The following MACROD1 variants were observed in gnomAD, a reference collection of about 807,000 sequenced individuals.
MACROD1 encodes mono-ADP ribosylhydrolase 1, also known as ADP-ribose glycohydrolase MACROD1.
Under a neutral mutation model 41.4 loss-of-function variants are expected in MACROD1, and 31 were observed. The observed-to-expected ratio is 0.75, with a 90% CI of 0.56 to 1.01. The LOEUF (loss-of-function observed/expected upper bound fraction) is 1.01, where lower values mean the gene tolerates loss of function less well. Among genes scored for constraint, MACROD1 ranks in the 50% least tolerant of loss-of-function variants. The probability of loss-of-function intolerance (pLI) is 0.00; values close to 1 mark genes in which losing one functional copy is unlikely to be tolerated. For synonymous variants in MACROD1, 252 were observed against 203.4 expected, an observed-to-expected ratio of 1.24 and a Z score of -2.03; for missense variants, 473 against 460.0, an observed-to-expected ratio of 1.03 and a Z score of -0.26.
At chr11:64,013,867 T>C (rs1001410127) in intron 4 of MACROD1, among the ~76,000 whole-genome samples, 1 of 152,150 alleles carries the variant, frequency 6.6e-6, no homozygotes, top group Admixed American at 6.5e-5. Context: ...CACTCTTCGC[T>C]GGGCTCATGC....
chr11:64,117,329 C>T (rs1053939645), intron 3 of MACROD1: 2 of 1,613,964 alleles, frequency 1.2e-6, no homozygotes, highest in African/African-American at 2.7e-5. Flanking sequence ...ACGTGCGGGG[C>T]CTCATGTGCC....
At chr11:64,129,547 C>A (rs1460376741) in intron 3 of MACROD1, among the ~76,000 whole-genome samples, 1 of 152,222 alleles carries the variant, frequency 6.6e-6, no homozygotes, top group Non-Finnish European at 1.5e-5. Context: ...TCCCGCATTC[C>A]TGGCCCCCAG....
chr11:63,999,895 G>T, intron 5 of MACROD1, 132 bp from the exon 6 acceptor site: 1 of 1,087,682 alleles, frequency 9.2e-7, no homozygotes, highest in Non-Finnish European at 1.3e-6. Flanking sequence ...CTCCGCGAAG[G>T]CCCCCACCCC....
intron 1 of MACROD1, among the ~76,000 whole-genome samples, chr11:64,165,195 C>T (rs1945819185): frequency 6.6e-6 from 1 of 152,208 alleles, no homozygotes; most frequent in Admixed American, 6.5e-5. Context: ...GGTTACGTGC[C>T]CCACCAGGTG....
At position 63,999,660 on chromosome 11, in the gene MACROD1, C is replaced by T. The variant is rs771288945; in HGVS notation, c.768G>A (p.Glu256=). Residue 256 remains glutamate (E), a synonymous_variant, in exon 6 of 11, where the codon GAG becomes GAA. Transcript: ENST00000255681. ...CYLSSLDLLL[E]HRLRSVAFPC... is the part of the protein sequence containing the mutation. ...CCCTCACCACCGAGCGGAGCCGGTG[C>T]TCCAGCAGCAGGTCCAGACTGCTCA... 1.3e-5 allele frequency: 21 copies of T among 1,609,406 alleles called. No homozygotes were observed. In the East Asian group the frequency reaches 4.7e-4, roughly 36 times the overall value.
chr11:63,998,955 C>A lies in MACROD1; in HGVS notation c.973G>T (p.Ala325Ser). ...RSRLPHYFPV[A>S] Reference sequence around the variant, plus strand: ...CCGTGGGGCGGCGCGGGGCACGTACCCACGGGGAAGTAGTGGGGGAGCCGG... The same window carrying A: ...CCGTGGGGCGGCGCGGGGCACGTACACACGGGGAAGTAGTGGGGGAGCCGG... Residue 325 changes from alanine (A) to serine (S), a missense_variant and splice_region_variant, in exon 9 of 11, where the codon GCC becomes TCC. Coordinates refer to ENST00000255681, the MANE Select transcript of MACROD1 (RefSeq NM_014067.4). 6.3e-7 allele frequency: 1 copy of A among 1,598,250 alleles called. No individual in the cohort carries two copies. The highest frequency in any genetic ancestry group is 2.3e-5 in the East Asian group (1 of 44,410).
At chr11:64,151,127 A>T in intron 3 of MACROD1, 112 bp downstream of exon 3, 1 of 879,576 alleles carries the variant, frequency 1.1e-6, no homozygotes, top group South Asian at 1.5e-5. Context: ...TGTCCTTGCC[A>T]GCAACCCGAG....
At chr11:64,068,550 A>G (rs565919026) in intron 3 of MACROD1, among the ~76,000 whole-genome samples, 1 of 152,288 alleles carries the variant, frequency 6.6e-6, no homozygotes, top group Admixed American at 6.5e-5. Flanking sequence ...ACTGCCGATT[A>G]CTCTTACAGA....
intron 1 of MACROD1, among the ~76,000 whole-genome samples, chr11:64,164,953 G>T (rs1437193385): frequency 1.3e-5 from 2 of 151,938 alleles, no homozygotes; most frequent in African/African-American, 4.8e-5. Flanking sequence ...CCAGGAGCAA[G>T]AGGAAGTGGT....
At chr11:64,144,540 G>A (rs960718620) in intron 3 of MACROD1, among the ~76,000 whole-genome samples, 10 of 152,362 alleles carry the variant, frequency 6.6e-5, no homozygotes, top group Admixed American at 3.3e-4. Context: ...GCCTCTGAGA[G>A]CACTGAGCAC....
chr11:64,015,920 G>A (rs1311114759), intron 3 of MACROD1, among the ~76,000 whole-genome samples: 23 of 152,192 alleles, frequency 1.5e-4, no homozygotes, highest in Admixed American at 1.3e-3. Flanking sequence ...GATCAACAGC[G>A]GGGTGACTGG....
chr11:64,133,462 C>T (rs1195302328), intron 3 of MACROD1, among the ~76,000 whole-genome samples: 1 of 152,228 alleles, frequency 6.6e-6, no homozygotes, highest in Non-Finnish European at 1.5e-5. Flanking sequence ...GAGGCCGAGC[C>T]AGATGCCCGG....
chr11:64,049,952 C>T (rs1383554653), intron 3 of MACROD1, among the ~76,000 whole-genome samples: 1 of 152,244 alleles, frequency 6.6e-6, no homozygotes, highest in African/African-American at 2.4e-5. Context: ...TCAGAGCCCT[C>T]TTGGCCTAGC....
At chr11:64,069,778 C>T (rs539599765) in intron 3 of MACROD1, among the ~76,000 whole-genome samples, 2 of 152,324 alleles carry the variant, frequency 1.3e-5, no homozygotes, top group African/African-American at 2.4e-5. Context: ...AACCTCCGCA[C>T]GCTGCCGGCC....
At chr11:64,121,902 C>T (rs1258720420) in intron 3 of MACROD1, among the ~76,000 whole-genome samples, 1 of 151,470 alleles carries the variant, frequency 6.6e-6, no homozygotes, top group Non-Finnish European at 1.5e-5. Context: ...GTTTACCCTT[C>T]GTGGTAATTA....
chr11:64,030,311 T>A (rs1943277731), intron 3 of MACROD1, among the ~76,000 whole-genome samples: 1 of 152,124 alleles, frequency 6.6e-6, no homozygotes, highest in Non-Finnish European at 1.5e-5. Flanking sequence ...GACAGCTCCG[T>A]CATTGTTGCC....
At chr11:64,118,704 G>A (rs908069417) in intron 3 of MACROD1, 2 of 171,900 alleles carry the variant, frequency 1.2e-5, no homozygotes, top group Non-Finnish European at 2.8e-5. Context: ...AGAAGCAGCC[G>A]GCTCTCAAAG....
chr11:64,116,096 C>T, intron 3 of MACROD1: 1 of 1,012,520 alleles, frequency 9.9e-7, no homozygotes, highest in Non-Finnish European at 1.4e-6. Context: ...TGACCTCACC[C>T]CGCAGGACCG....
intron 3 of MACROD1, among the ~76,000 whole-genome samples, chr11:64,075,452 C>G (rs1185541283): frequency 6.6e-6 from 1 of 152,250 alleles, no homozygotes; most frequent in Non-Finnish European, 1.5e-5. Flanking sequence ...AACCGAAGCT[C>G]AGAGAGGCTA....
Sources: allele counts gnomAD v4.1 joint callset (sites outside exome capture counted in the v4.1 genomes callset), GRCh38; gene constraint gnomAD v4.1.1; transcripts MANE v1.5; gene names NCBI Gene and HGNC (gene_info 2026-07-23, HGNC 2026-07-21).